DLG2: variants seen among roughly 807,000 people sequenced by gnomAD.
The protein encoded by DLG2 is discs large MAGUK scaffold protein 2.
DLG2 carries 45 observed loss-of-function variants against 132.5 expected under a neutral mutation model. The observed-to-expected ratio is 0.34, with a 90% CI of 0.27 to 0.44. The LOEUF (loss-of-function observed/expected upper bound fraction) is 0.44. Ranked by LOEUF, DLG2 falls within the 20% of genes least tolerant of loss-of-function variation. DLG2 has a pLI of 1.00. For synonymous variants in DLG2, 424 were observed against 419.6 expected (o/e 1.01, Z -0.13); for missense variants, 1,045 against 1,196.9 (o/e 0.87, Z 1.87).
chr11:84,676,215 G>C (rs576401706), intron 6 of DLG2, among the ~76,000 whole-genome samples: 2 of 152,144 alleles, frequency 1.3e-5, no homozygotes, highest in South Asian at 4.2e-4. Context: ...ATGATGGGTT[G>C]GCTGTTTGTG....
chr11:84,997,435 C>T (rs2057765390), intron 6 of DLG2: 1 of 152,166 alleles, frequency 6.6e-6, no homozygotes, highest in African/African-American at 2.4e-5. Flanking sequence ...TGTGCCCATC[C>T]TTCAGAAGAT....
At chr11:84,954,622 C>G (rs1033885457) in intron 6 of DLG2, among the ~76,000 whole-genome samples, 1 of 152,068 alleles carries the variant, frequency 6.6e-6, no homozygotes, top group African/African-American at 2.4e-5. Context: ...TACAAATGGC[C>G]GCAATCCCAT....
chr11:85,265,367 T>G lies in DLG2; in HGVS notation c.186+19853A>C, dbSNP rs188793671. Among the ~76,000 whole-genome samples the G allele has an allele frequency of 2.6e-5, 4 of 152,318 alleles. No individual in the cohort carries two copies. In the East Asian group the frequency reaches 7.7e-4, roughly 29 times the overall value. Reference sequence around the variant, plus strand: ...CTTCAAAACAATCATAAAGGCAAATTTTTTTATATTTATGTACAGGCTAAG... The same window carrying G: ...CTTCAAAACAATCATAAAGGCAAATGTTTTTATATTTATGTACAGGCTAAG... On this transcript the variant is annotated intron_variant, in intron 4 of 27. Coordinates refer to ENST00000376104, the MANE Select transcript of DLG2 (RefSeq NM_001142699.3).
At chr11:83,561,996 C>T (rs1026261714) in intron 19 of DLG2, among the ~76,000 whole-genome samples, 1 of 143,482 alleles carries the variant, frequency 7.0e-6, no homozygotes, top group Non-Finnish European at 1.5e-5. Context: ...TCAAGCAATT[C>T]TCCTGCTTCA....
chr11:84,862,824 G>T lies in DLG2; in HGVS notation c.357+248837C>A, dbSNP rs71465959. Among the ~76,000 whole-genome samples, 341 of 127,702 alleles carry T rather than the reference G, an allele frequency of 2.7e-3. 9 individuals are homozygous for T. The highest frequency in any genetic ancestry group is 0.027 in the South Asian group (86 of 3,230). The allele number at this position is 127,702 out of a possible 152,430, so 83.8% of individuals were successfully genotyped here. ...TCACACACCAGGTCCTGTCGGGGGG[G>T]GGGGGTGGGGGACTAGGGGAGGAAT... On this transcript the variant is annotated intron_variant, in intron 6 of 27. Coordinates refer to ENST00000376104, the MANE Select transcript of DLG2 (RefSeq NM_001142699.3).
chr11:85,325,187 G>T (rs972020680), intron 3 of DLG2, among the ~76,000 whole-genome samples: 1 of 148,228 alleles, frequency 6.7e-6, no homozygotes, highest in African/African-American at 2.5e-5. Flanking sequence ...CGGCAACGAG[G>T]CTGGGGGAGG....
chr11:85,499,610 C>T (rs1445318067), intron 3 of DLG2, among the ~76,000 whole-genome samples: 4 of 152,126 alleles, frequency 2.6e-5, no homozygotes, highest in Admixed American at 2.0e-4. Flanking sequence ...CCAGCATCAT[C>T]CTGATACCAA....
chr11:85,288,931 A>G (rs2078725908), intron 3 of DLG2, among the ~76,000 whole-genome samples: 1 of 152,174 alleles, frequency 6.6e-6, no homozygotes, highest in Non-Finnish European at 1.5e-5. Flanking sequence ...ATGCATTTAT[A>G]TCAATAAGCT....
chr11:83,981,357 T>C (rs1208872654), intron 11 of DLG2, among the ~76,000 whole-genome samples: 1 of 152,176 alleles, frequency 6.6e-6, no homozygotes, highest in East Asian at 1.9e-4. Context: ...TATTCCAGTA[T>C]ACAGTCTAAA....
intron 9 of DLG2, among the ~76,000 whole-genome samples, chr11:84,137,623 C>T (rs531737071): frequency 3.9e-5 from 6 of 152,166 alleles, no homozygotes; most frequent in Non-Finnish European, 5.9e-5. Flanking sequence ...AAAAGACCTG[C>T]TCTATATGGG....
At chr11:85,428,476 C>T (rs2090933658) in intron 3 of DLG2, among the ~76,000 whole-genome samples, 1 of 152,210 alleles carries the variant, frequency 6.6e-6, no homozygotes, top group African/African-American at 2.4e-5. Context: ...AAGAAACTCA[C>T]TCAAAACCAC....
chr11:83,591,046 G>A (rs1281690835), intron 19 of DLG2, among the ~76,000 whole-genome samples: 3 of 152,092 alleles, frequency 2.0e-5, no homozygotes, highest in African/African-American at 4.8e-5. Flanking sequence ...ATTCACAGCC[G>A]AATTCTATCA....
chr11:85,415,658 C>A (rs117272062), intron 3 of DLG2, among the ~76,000 whole-genome samples: 4,499 of 152,066 alleles, frequency 0.03, 112 homozygotes, highest in East Asian at 0.096. Context: ...TAAATGTCTT[C>A]TTTTGAGGGT....
chr11:83,639,989 ATTAC>A (rs2066007016), intron 18 of DLG2, among the ~76,000 whole-genome samples: 1 of 152,176 alleles, frequency 6.6e-6, no homozygotes, highest in East Asian at 1.9e-4. Context: ...TGTTGCTGTT[ATTAC>A]TTTGGTGACT....
chr11:85,414,939 C>A (rs1017236419), intron 3 of DLG2, among the ~76,000 whole-genome samples: 8 of 152,178 alleles, frequency 5.3e-5, no homozygotes, highest in Admixed American at 3.9e-4. Context: ...TATACACATG[C>A]CATGGGGGTT....
chr11:84,035,077 G>GT (rs1295434531), intron 11 of DLG2, among the ~76,000 whole-genome samples: 2 of 151,914 alleles, frequency 1.3e-5, no homozygotes, highest in East Asian at 3.9e-4. Flanking sequence ...AACTCACTAC[G>GT]TTACAAAGCC....
intron 4 of DLG2, among the ~76,000 whole-genome samples, chr11:85,216,834 T>C (rs2082641382): frequency 6.6e-6 from 1 of 152,024 alleles, no homozygotes; most frequent in Admixed American, 6.5e-5. Context: ...TAGCTGGGAT[T>C]ACAGGCACCT....
intron 19 of DLG2, among the ~76,000 whole-genome samples, chr11:83,574,545 C>T (rs934691471): frequency 8.5e-5 from 13 of 152,080 alleles, no homozygotes; most frequent in Non-Finnish European, 1.8e-4. Flanking sequence ...TTGTAAGTGC[C>T]TGTTTTCTGA....
chr11:83,697,960 T>C (rs1041876926), intron 18 of DLG2, among the ~76,000 whole-genome samples: 1 of 152,216 alleles, frequency 6.6e-6, no homozygotes, highest in Non-Finnish European at 1.5e-5. Context: ...TAGGCCAACT[T>C]GATAAAACAC....
Sources: gnomAD v4.1 joint callset for allele counts (sites outside exome capture counted in the v4.1 genomes callset) on GRCh38, gnomAD v4.1.1 for gene constraint, MANE v1.5 for transcripts, NCBI Gene and HGNC (gene_info 2026-07-23, HGNC 2026-07-21) for gene names.